ARAP2: variants seen among roughly 807,000 people sequenced by gnomAD.
ARAP2 encodes the protein arf-GAP with Rho-GAP domain, ANK repeat and PH domain-containing protein 2.
In ARAP2, 148 loss-of-function variants were observed where a neutral mutation model predicts 194.5. The ratio of observed to expected loss-of-function variants is 0.76; its 90% confidence interval spans 0.67 to 0.87. ARAP2 has a LOEUF of 0.87. Among genes scored for constraint, ARAP2 ranks in the 40% least tolerant of loss-of-function variants. The pLI, the probability that ARAP2 is intolerant of heterozygous loss-of-function variation, is 0.00. For missense variants in ARAP2, 2,128 were observed against 1,989.7 expected (o/e 1.07, Z -1.32); for synonymous variants, 695 against 683.5 (o/e 1.02, Z -0.26).
In ARAP2 at chr4:36,021,071, C is replaced by T. The variant is rs573077294; in HGVS notation, n.608-1785G>A. Among the ~76,000 whole-genome samples the T allele has an allele frequency of 3.3e-5, 5 of 152,114 alleles. No homozygotes were observed. In the South Asian group the frequency reaches 1.0e-3, roughly 32 times the overall value. On this transcript the variant is annotated intron_variant and non_coding_transcript_variant, in intron 5 of 12. Transcript: ENST00000503225. ...TTAAGAAGGAAAGATGATACGTATC[C>T]TTGGAAATGATAGGTTAGAGGTACC...
chr4:36,135,090 G>A (rs1196466472), intron 19 of ARAP2, among the ~76,000 whole-genome samples: 1 of 151,644 alleles, frequency 6.6e-6, no homozygotes, highest in Non-Finnish European at 1.5e-5. Flanking sequence ...TAGATACAAA[G>A]TTTGCTTTAA....
intron 2 of ARAP2, among the ~76,000 whole-genome samples, chr4:36,224,727 T>C (rs1395827269): frequency 1.3e-5 from 2 of 152,176 alleles, no homozygotes; most frequent in Non-Finnish European, 2.9e-5. Context: ...TATTTATGTA[T>C]TCAATTCAAA....
chr4:36,124,723 T>C, intron 22 of ARAP2, 139 bp downstream of exon 22: 1 of 515,012 alleles, frequency 1.9e-6, no homozygotes, highest in Non-Finnish European at 3.5e-6. Flanking sequence ...GCTATTTATC[T>C]GTAAATGTGA....
At chr4:36,234,382 C>T (rs889138252) in intron 1 of ARAP2, among the ~76,000 whole-genome samples, 2 of 152,188 alleles carry the variant, frequency 1.3e-5, no homozygotes, top group African/African-American at 4.8e-5. Flanking sequence ...TTCACCAGAG[C>T]TCTGCCCTCA....
At chr4:36,023,164 C>T (rs1717301717) in intron 5 of ARAP2, among the ~76,000 whole-genome samples, 1 of 152,148 alleles carries the variant, frequency 6.6e-6, no homozygotes, top group Non-Finnish European at 1.5e-5. Flanking sequence ...TTTAAATGTC[C>T]TAACTAGGCT....
intron 22 of ARAP2, among the ~76,000 whole-genome samples, chr4:36,123,339 C>T (rs1050165200): frequency 2.6e-5 from 4 of 151,684 alleles, no homozygotes; most frequent in African/African-American, 9.7e-5. Flanking sequence ...GAATTAAAGG[C>T]TAAATCAACT....
At chr4:36,046,563 A>T (rs1052930045) in intron 4 of ARAP2, 3 of 152,148 alleles carry the variant, frequency 2.0e-5, no homozygotes, top group Admixed American at 2.0e-4. Context: ...GGATGTTAAA[A>T]AAAGTTCTAA....
rs561851161 is a variant in ARAP2, at chr4:36,068,718, G to A, written c.4744-440C>T. On this transcript the variant is annotated intron_variant, in intron 32 of 32. Transcript: ENST00000303965. ...CTGTGTTGCCAGATGATTCTGCCCCGCTGTAGGCTAATATAAATGTTCTGA... is the reference window on the plus strand; with the variant it reads ...CTGTGTTGCCAGATGATTCTGCCCCACTGTAGGCTAATATAAATGTTCTGA... Among the ~76,000 whole-genome samples the A allele has an allele frequency of 4.6e-5, 7 of 152,266 alleles. No homozygotes were observed. In the East Asian group the frequency reaches 7.7e-4, roughly 17 times the overall value.
chr4:36,148,232 A>C (rs900951283), intron 17 of ARAP2, among the ~76,000 whole-genome samples, 173 bp downstream of exon 17: 2 of 152,168 alleles, frequency 1.3e-5, no homozygotes, highest in Admixed American at 1.3e-4. Flanking sequence ...TCCCTGCTTA[A>C]GGCTCCTAGA....
chr4:36,105,814 T>G (rs1040558217), intron 27 of ARAP2, among the ~76,000 whole-genome samples: 2 of 151,980 alleles, frequency 1.3e-5, no homozygotes, highest in Non-Finnish European at 1.5e-5. Flanking sequence ...CCTTTTAGGA[T>G]CTAATTCTTA....
chr4:36,180,538 A>G (rs1020323393), intron 8 of ARAP2, among the ~76,000 whole-genome samples: 1 of 152,224 alleles, frequency 6.6e-6, no homozygotes, highest in South Asian at 2.1e-4. Context: ...TGTGATCGTT[A>G]GTTTCACGTA....
intron 20 of ARAP2, among the ~76,000 whole-genome samples, chr4:36,131,155 C>T (rs1458464952): frequency 1.3e-5 from 2 of 151,604 alleles, no homozygotes; most frequent in African/African-American, 4.8e-5. Flanking sequence ...TGGGTGTTTT[C>T]TAAGTTTCTG....
intron 6 of ARAP2, among the ~76,000 whole-genome samples, chr4:36,018,720 C>T (rs1048651896): frequency 4.6e-5 from 7 of 152,150 alleles, no homozygotes; most frequent in African/African-American, 1.7e-4. Flanking sequence ...AAAATAAAGG[C>T]CATATTTATC....
At chr4:36,068,500 C>T (rs1051538161) in intron 32 of ARAP2, among the ~76,000 whole-genome samples, 5 of 152,136 alleles carry the variant, frequency 3.3e-5, no homozygotes, top group Admixed American at 2.0e-4. Context: ...TGCCTCAATA[C>T]GATTTTTTGA....
intron 5 of ARAP2, among the ~76,000 whole-genome samples, chr4:36,035,277 AG>A (rs1438162107): frequency 6.6e-6 from 1 of 152,076 alleles, no homozygotes; most frequent in African/African-American, 2.4e-5. Flanking sequence ...CAGTCTGTTC[AG>A]GAAGTCCATT....
chr4:36,168,357 T>C (rs1369266663), intron 9 of ARAP2, among the ~76,000 whole-genome samples: 1 of 152,140 alleles, frequency 6.6e-6, no homozygotes, highest in Non-Finnish European at 1.5e-5. Context: ...GACAAATTCT[T>C]AGGCTCTAAG....
chr4:36,070,487 C>T (rs924696409), intron 32 of ARAP2, among the ~76,000 whole-genome samples: 18 of 152,176 alleles, frequency 1.2e-4, no homozygotes, highest in African/African-American at 1.7e-4. Flanking sequence ...GTTGTTTGAA[C>T]GGAAATAATA....
At chr4:36,164,824 A>T (rs1292763932) in intron 11 of ARAP2, 90 bp downstream of exon 11, 1 of 1,283,302 alleles carries the variant, frequency 7.8e-7, no homozygotes, top group Non-Finnish European at 1.1e-6. Context: ...TCTCATAACC[A>T]TTAGCTAGGA....
Position 36,083,415 on chromosome 4 carries a change from G to T in ARAP2, c.4461C>A (p.Ser1487=), listed in dbSNP as rs1179463008. The part of the protein sequence containing the change: ...SKHDKMFSLS[S]MKFYRGVKKK... ...TTTTCACTCCACGATAAAACTTCATGGAACTGAGAGAAAACATCTTGTCAT... is the reference window on the plus strand; with the variant it reads ...TTTTCACTCCACGATAAAACTTCATTGAACTGAGAGAAAACATCTTGTCAT... The change falls in exon 29 of 33, where the codon TCC becomes TCA. Residue 1487 remains serine (S), a synonymous_variant. Coordinates refer to ENST00000303965, the MANE Select transcript of ARAP2 (RefSeq NM_015230.4). 1.2e-6 allele frequency: 2 copies of T among 1,607,042 alleles called. No individual in the cohort carries two copies. The highest frequency in any genetic ancestry group is 1.1e-5 in the South Asian group (1 of 89,400).
Sources: allele counts gnomAD v4.1 joint callset (sites outside exome capture counted in the v4.1 genomes callset), GRCh38; gene constraint gnomAD v4.1.1; transcripts MANE v1.5; gene names NCBI Gene and HGNC (gene_info 2026-07-23, HGNC 2026-07-21).